NTRK3: variants seen among roughly 807,000 people sequenced by gnomAD.
The protein encoded by NTRK3 is NT-3 growth factor receptor.
In NTRK3, 24 loss-of-function variants were observed where a neutral mutation model predicts 91.7. That is an observed-to-expected ratio of 0.26 (90% CI 0.19 to 0.37). NTRK3 has a LOEUF of 0.37. NTRK3 is among the 10% of genes least tolerant of loss of function. The pLI, the probability that NTRK3 is intolerant of heterozygous loss-of-function variation, is 1.00. For missense variants in NTRK3, 880 were observed against 1,068.9 expected (o/e 0.82, Z 2.46); for synonymous variants, 483 against 404.0 (o/e 1.20, Z -2.34).
rs77808803 is a variant in NTRK3, at chr15:87,943,826, G to A, written c.1586-3073C>T. Among the ~76,000 whole-genome samples, 895 of 152,128 alleles carry A rather than the reference G, an allele frequency of 5.9e-3. 14 individuals are homozygous for A. Among genetic ancestry groups the A allele is most frequent in the East Asian group, 0.032 (166 of 5,156 alleles). On this transcript the variant is annotated intron_variant, in intron 14 of 18. Coordinates refer to ENST00000394480, the Ensembl canonical transcript of NTRK3. ...CTGCAAACCCCTGGTTGCAGGAGTG[G>A]GGAAGCTGTGACAGCTGTGAGCCTT...
intron 6 of NTRK3, among the ~76,000 whole-genome samples, chr15:88,139,938 G>A (rs4887372): frequency 0.025 from 3,679 of 150,104 alleles, 71 homozygotes; most frequent in African/African-American, 0.041. Flanking sequence ...GGGAGTGTGG[G>A]GGGTGGGGGT....
intron 17 of NTRK3, among the ~76,000 whole-genome samples, chr15:87,913,605 C>T (rs1178348954): frequency 6.6e-6 from 1 of 152,080 alleles, no homozygotes; most frequent in South Asian, 2.1e-4. Context: ...TTAATATGTA[C>T]CCTCCCTGGG....
chr15:87,914,716 T>C (rs1175163091), intron 17 of NTRK3, among the ~76,000 whole-genome samples: 2 of 152,090 alleles, frequency 1.3e-5, no homozygotes, highest in Non-Finnish European at 2.9e-5. Flanking sequence ...AAGTTGGGGA[T>C]TGACCCACTG....
chr15:87,907,646 C>A (rs1365394431), intron 17 of NTRK3, among the ~76,000 whole-genome samples: 2 of 152,134 alleles, frequency 1.3e-5, no homozygotes, highest in African/African-American at 4.8e-5. Context: ...AGATGGCAAG[C>A]AGAACTTGTG....
exon 12 of NTRK3, chr15:88,127,183 T>C (rs745877071): frequency 6.2e-7 from 1 of 1,613,990 alleles, no homozygotes; most frequent in Non-Finnish European, 8.5e-7. Flanking sequence ...CTTCTTCTGG[T>C]TTGTGGGTCA....
At position 87,977,082 on chromosome 15, in the gene NTRK3, T is replaced by G. The variant is rs2073791496; in HGVS notation, c.1586-36329A>C. Among the ~76,000 whole-genome samples the G allele has an allele frequency of 5.3e-5, 8 of 152,324 alleles. No homozygotes were observed. In the South Asian group the frequency reaches 1.7e-3, roughly 32 times the overall value. Reference sequence around the variant, plus strand: ...CAGATTTGAATCTTGCTTTCACCTCTCACACTGTGTGACCCTGGATGAACC... The same window carrying G: ...CAGATTTGAATCTTGCTTTCACCTCGCACACTGTGTGACCCTGGATGAACC... On this transcript the variant is annotated intron_variant, in intron 14 of 18. Coordinates refer to ENST00000394480, the Ensembl canonical transcript of NTRK3.
exon 19 of NTRK3, chr15:87,864,259 G>A (rs1169450451): frequency 4.3e-6 from 1 of 232,342 alleles, no homozygotes; most frequent in Non-Finnish European, 8.5e-6. Context: ...AATAACATGA[G>A]TCATTTTCTG....
At position 88,163,777 on chromosome 15, in the gene NTRK3, T is replaced by C. The variant is rs559879985; in HGVS notation, c.396-16374A>G. ...TGACAGGTGACCACACATTCTGGTC[T>C]GCCCAAACAGTCCCAGCTCACATCT... On this transcript the variant is annotated intron_variant, in intron 5 of 18. Transcript: ENST00000394480. Among the ~76,000 whole-genome samples the C allele has an allele frequency of 2.6e-5, 4 of 152,334 alleles. No homozygotes were observed. In the South Asian group the frequency reaches 6.2e-4, roughly 24 times the overall value.
At chr15:88,148,338 G>C (rs749335544) in intron 5 of NTRK3, among the ~76,000 whole-genome samples, 3 of 152,214 alleles carry the variant, frequency 2.0e-5, no homozygotes, top group Non-Finnish European at 2.9e-5. Flanking sequence ...GACCATTGAG[G>C]GGGAAGGGAA....
At chr15:88,148,269 T>C (rs113522834) in intron 5 of NTRK3, among the ~76,000 whole-genome samples, 3 of 152,348 alleles carry the variant, frequency 2.0e-5, no homozygotes, top group Admixed American at 6.5e-5. Flanking sequence ...CACGCACCTA[T>C]ATTTGGATGA....
chr15:88,093,978 T>C (rs1360303252), intron 13 of NTRK3, among the ~76,000 whole-genome samples: 1 of 152,112 alleles, frequency 6.6e-6, no homozygotes, highest in African/African-American at 2.4e-5. Flanking sequence ...CTCAGCAAGG[T>C]CACCTGTGTG....
rs923379429 is a variant in NTRK3 at position 88,240,902 on chromosome 15, G to A, written c.248+15004C>T. ...GGCCCACAAAGGTGTGGAGAGCAATGAGAATGGTGTGCCCAGCATTCTGCA... is the reference window on the plus strand; with the variant it reads ...GGCCCACAAAGGTGTGGAGAGCAATAAGAATGGTGTGCCCAGCATTCTGCA... On this transcript the variant is annotated intron_variant, in intron 3 of 18. Coordinates refer to ENST00000394480, the Ensembl canonical transcript of NTRK3. The surrounding 1 kb of genome is among the most constrained non-coding windows in gnomAD (Gnocchi z 4.9). Among the ~76,000 whole-genome samples, 6 of 152,242 alleles carry A rather than the reference G, an allele frequency of 3.9e-5. No homozygotes were observed. Among genetic ancestry groups the A allele is most frequent in the African/African-American group, 1.4e-4 (6 of 41,464 alleles).
chr15:88,138,025 T>A (rs1003076654), intron 6 of NTRK3, among the ~76,000 whole-genome samples: 4 of 151,824 alleles, frequency 2.6e-5, no homozygotes, highest in African/African-American at 9.7e-5. Context: ...CACTCCAGCC[T>A]GGCAACAGAG....
chr15:88,026,000 G>A (rs951292380), intron 14 of NTRK3, among the ~76,000 whole-genome samples: 6 of 152,122 alleles, frequency 3.9e-5, no homozygotes, highest in African/African-American at 7.2e-5. Flanking sequence ...GGCCAGGCAC[G>A]GTGGCTCACG....
intron 13 of NTRK3, among the ~76,000 whole-genome samples, chr15:88,040,826 A>G (rs991163960): frequency 1.8e-4 from 28 of 152,312 alleles, no homozygotes; most frequent in African/African-American, 5.5e-4. Context: ...TTAAATACCA[A>G]CTACATGCCA....
chr15:88,006,252 A>AC (rs1376763298), intron 14 of NTRK3, among the ~76,000 whole-genome samples: 4 of 151,968 alleles, frequency 2.6e-5, no homozygotes, highest in African/African-American at 9.7e-5. Context: ...CTTCTCTTCC[A>AC]CCCCCACCGT....
At chr15:87,873,731 G>A (rs751980906) in exon 19 of NTRK3, 1 of 231,738 alleles carries the variant, frequency 4.3e-6, no homozygotes, top group East Asian at 6.1e-5. Flanking sequence ...ATGGACCGTC[G>A]ACAGTGCTTT....
chr15:88,233,257 A>G lies in NTRK3; in HGVS notation c.248+22649T>C, dbSNP rs2051371251. 6.6e-6 allele frequency among the ~76,000 whole-genome samples: 1 copy of G among 152,156 alleles called. No homozygotes were observed. The highest frequency in any genetic ancestry group is 6.5e-5 in the Admixed American group (1 of 15,276). On this transcript the variant is annotated intron_variant, in intron 3 of 18. Transcript: ENST00000394480. This position sits in a 1 kb window ranked among gnomAD's most constrained non-coding sequence, Gnocchi z 4.2. ...CCCCCCGCCCCCAGTGTAATCTCTC[A>G]GTATCCAGGACTTCATTTGCAGAGA...
chr15:87,953,340 C>T (rs1357418138), intron 14 of NTRK3, among the ~76,000 whole-genome samples: 1 of 152,220 alleles, frequency 6.6e-6, no homozygotes, highest in East Asian at 1.9e-4. Context: ...TAGCTAAAGT[C>T]ATCAGCAAAC....
Sources: gnomAD v4.1 joint callset for allele counts (sites outside exome capture counted in the v4.1 genomes callset) on GRCh38, gnomAD v4.1.1 for gene constraint, Gnocchi (gnomAD v3.1) non-coding constraint, MANE v1.5 for transcripts, NCBI Gene and HGNC (gene_info 2026-07-23, HGNC 2026-07-21) for gene names.